GLT1D1: variants seen among roughly 807,000 people sequenced by gnomAD.
GLT1D1 encodes the protein glycosyltransferase 1 domain-containing protein 1.
Under a neutral mutation model 28.7 loss-of-function variants are expected in GLT1D1, and 21 were observed. The observed-to-expected ratio is 0.73, with a 90% CI of 0.52 to 1.05. The LOEUF (loss-of-function observed/expected upper bound fraction) is 1.05. Ranked by LOEUF, GLT1D1 falls within the 50% of genes least tolerant of loss-of-function variation. The probability of loss-of-function intolerance (pLI) is 0.00; values close to 1 mark genes in which losing one functional copy is unlikely to be tolerated. For missense variants in GLT1D1, 343 were observed against 330.6 expected, an observed-to-expected ratio of 1.04 and a Z score of -0.29; for synonymous variants, 147 against 124.8, an observed-to-expected ratio of 1.18 and a Z score of -1.19.
intron 2 of GLT1D1, among the ~76,000 whole-genome samples, chr12:128,888,289 T>C (rs955188660): frequency 1.3e-5 from 2 of 152,186 alleles, no homozygotes; most frequent in African/African-American, 2.4e-5. Flanking sequence ...GCCCTTTTTT[T>C]GTCATGAATT....
In GLT1D1 at chr12:128,854,657, C is replaced by T. The variant is rs553563064; in HGVS notation, c.68+1008C>T. 7.4e-5 allele frequency among the ~76,000 whole-genome samples: 11 copies of T among 148,490 alleles called. No homozygotes were observed. The South Asian group carries it at 1.3e-3, about 18-fold the overall frequency. On this transcript the variant is annotated intron_variant, in intron 1 of 7. Transcript: ENST00000281703. ...GATTACAGGTGTGCACCACCACGCC[C>T]GGCTGATTTTTGTATTTTTAATAGA... is the stretch of plus-strand genomic sequence containing the variant.
At chr12:128,901,046 CA>C (rs1392171450) in intron 4 of GLT1D1, among the ~76,000 whole-genome samples, 1 of 152,188 alleles carries the variant, frequency 6.6e-6, no homozygotes, top group African/African-American at 2.4e-5. Flanking sequence ...GGGCCTCCGC[CA>C]AGTCAAGCTT....
At chr12:128,925,496 C>G (rs1008344145) in intron 4 of GLT1D1, among the ~76,000 whole-genome samples, 7 of 152,210 alleles carry the variant, frequency 4.6e-5, no homozygotes, top group African/African-American at 1.7e-4. Context: ...CTATCCATGT[C>G]CCTGCAAAGG....
intron 1 of GLT1D1, among the ~76,000 whole-genome samples, chr12:128,855,660 A>G (rs1256427457): frequency 6.6e-6 from 1 of 152,072 alleles, no homozygotes; most frequent in Non-Finnish European, 1.5e-5. Flanking sequence ...GCGAGTCCTT[A>G]AAGTGAAAGC....
intron 4 of GLT1D1, chr12:128,944,713 G>C (rs1449687369): frequency 1.6e-6 from 1 of 639,138 alleles, no homozygotes; most frequent in Non-Finnish European, 2.9e-6. Flanking sequence ...AGATTTTGCA[G>C]TTCCTGAAGG....
chr12:128,891,228 A>G (rs1285267814), intron 3 of GLT1D1, among the ~76,000 whole-genome samples: 1 of 152,166 alleles, frequency 6.6e-6, no homozygotes, highest in Admixed American at 6.5e-5. Flanking sequence ...AATCAAAAGA[A>G]CTACCTATAC....
At chr12:128,953,247 AT>A (rs1876913928) in intron 6 of GLT1D1, among the ~76,000 whole-genome samples, 1 of 152,178 alleles carries the variant, frequency 6.6e-6, no homozygotes, top group Non-Finnish European at 1.5e-5. Flanking sequence ...CCTATCAGAT[AT>A]TTATTTCCTA....
At chr12:128,976,051 T>G (rs888603003) in intron 7 of GLT1D1, among the ~76,000 whole-genome samples, 1 of 152,142 alleles carries the variant, frequency 6.6e-6, no homozygotes, top group African/African-American at 2.4e-5. Context: ...GATAGTGCCA[T>G]AAAATGTGAC....
rs992944006 is a variant in GLT1D1, at chr12:128,853,631, T to A, written c.50T>A (p.Val17Asp). ...CTGCGGCCACACACCGGCAACGCGG[T>A]CACGGCCCAGCGCGTTCGGTAGGTG... Residue 17 changes from valine to aspartate, a missense_variant, in exon 1 of 8, where the codon GTC becomes GAC. Val to Asp is a radical substitution (Grantham distance 152). Coordinates refer to ENST00000281703, the MANE Select transcript of GLT1D1 (RefSeq NM_144669.3). 3.6e-5 allele frequency: 43 copies of A among 1,178,204 alleles called. No homozygotes were observed. Among genetic ancestry groups the A allele is most frequent in the Non-Finnish European group, 4.0e-5 (38 of 942,756 alleles). The allele number at this position is 1,178,204 out of a possible 1,614,324, so 73.0% of individuals were successfully genotyped here.
At chr12:128,878,989 C>T (rs1256522345) in intron 2 of GLT1D1, among the ~76,000 whole-genome samples, 2 of 152,168 alleles carry the variant, frequency 1.3e-5, no homozygotes, top group Non-Finnish European at 2.9e-5. Flanking sequence ...TAGAGTTTAA[C>T]TTTCCTTATA....
chr12:128,972,112 C>T (rs1197942141), intron 7 of GLT1D1, among the ~76,000 whole-genome samples: 1 of 152,062 alleles, frequency 6.6e-6, no homozygotes, highest in African/African-American at 2.4e-5. Context: ...AACTGGGCTG[C>T]ATGCGGGGCA....
chr12:128,980,571 T>C (rs1286219389), intron 7 of GLT1D1, among the ~76,000 whole-genome samples: 2 of 152,212 alleles, frequency 1.3e-5, no homozygotes, highest in African/African-American at 2.4e-5. Flanking sequence ...AAGAGTCTTC[T>C]GGCGGCTGGC....
intron 4 of GLT1D1, among the ~76,000 whole-genome samples, chr12:128,923,984 C>T (rs1345630423): frequency 1.3e-5 from 2 of 152,036 alleles, no homozygotes; most frequent in Non-Finnish European, 2.9e-5. Context: ...CTGCATTTCT[C>T]CTGATGCTGG....
chr12:128,902,400 G>T (rs1455469044), intron 4 of GLT1D1, among the ~76,000 whole-genome samples: 1 of 150,142 alleles, frequency 6.7e-6, no homozygotes, highest in Non-Finnish European at 1.5e-5. Context: ...CAGGAGAATC[G>T]CTTGAACCCA....
chr12:128,875,822 CA>C (rs11444853), intron 1 of GLT1D1, 91 bp from the exon 2 acceptor site: 187,135 of 945,148 alleles, frequency 0.2, 1 homozygote, highest in East Asian at 0.24. Flanking sequence ...CAACAACAAC[CA>C]AAAAAAAAAA....
At chr12:128,928,025 A>AC (rs1566141275) in intron 4 of GLT1D1, among the ~76,000 whole-genome samples, 3 of 145,816 alleles carry the variant, frequency 2.1e-5, no homozygotes, top group Non-Finnish European at 3.0e-5. Context: ...AAAAAAAAAA[A>AC]CAAAAAAGAA....
At chr12:128,905,794 G>A (rs1176747109) in intron 4 of GLT1D1, among the ~76,000 whole-genome samples, 1 of 151,394 alleles carries the variant, frequency 6.6e-6, no homozygotes, top group African/African-American at 2.4e-5. Context: ...GCATTACTAT[G>A]TTGGTTTGTG....
At chr12:128,918,933 C>A (rs1872373657) in intron 4 of GLT1D1, among the ~76,000 whole-genome samples, 1 of 152,180 alleles carries the variant, frequency 6.6e-6, no homozygotes, top group South Asian at 2.1e-4. Flanking sequence ...CCTCTGGAGA[C>A]CTACTTGGCT....
chr12:128,960,783 A>G (rs1032092333), intron 7 of GLT1D1, among the ~76,000 whole-genome samples: 2 of 151,836 alleles, frequency 1.3e-5, no homozygotes, highest in Non-Finnish European at 2.9e-5. Context: ...AATTAAATAT[A>G]TATTTCAATA....
Sources: gnomAD v4.1 joint callset for allele counts (sites outside exome capture counted in the v4.1 genomes callset) on GRCh38, gnomAD v4.1.1 for gene constraint, MANE v1.5 for transcripts, NCBI Gene and HGNC (gene_info 2026-07-23, HGNC 2026-07-21) for gene names.